The following KIF1B variants were observed in gnomAD, a reference collection of about 807,000 sequenced individuals.
KIF1B encodes kinesin family member 1B.
In KIF1B, 76 loss-of-function variants were observed where a neutral mutation model predicts 241.9. The ratio of observed to expected loss-of-function variants is 0.31; its 90% CI spans 0.26 to 0.38. The LOEUF (loss-of-function observed/expected upper bound fraction) is 0.38. KIF1B is among the 10% of genes least tolerant of loss of function. The probability of loss-of-function intolerance (pLI) is 1.00; values close to 1 mark genes in which losing one functional copy is unlikely to be tolerated. For missense variants in KIF1B, 1,622 were observed against 2,271.4 expected, an observed-to-expected ratio of 0.71 and a Z score of 5.81; for synonymous variants, 750 against 796.7, an observed-to-expected ratio of 0.94 and a Z score of 0.99.
chr1:10,253,748 A>G (rs913944243), intron 2 of KIF1B, among the ~76,000 whole-genome samples: 1 of 152,206 alleles, frequency 6.6e-6, no homozygotes, highest in Non-Finnish European at 1.5e-5. Context: ...CTTTGGTTAG[A>G]AGTATACTTC....
intron 22 of KIF1B, among the ~76,000 whole-genome samples, chr1:10,315,081 T>C (rs1300720693): frequency 6.6e-6 from 1 of 151,252 alleles, no homozygotes; most frequent in Non-Finnish European, 1.5e-5. Flanking sequence ...CCCATACTTA[T>C]ATATTTTTCC....
At chr1:10,364,637 G>T (rs1318570231) in intron 41 of KIF1B, among the ~76,000 whole-genome samples, 1 of 152,020 alleles carries the variant, frequency 6.6e-6, no homozygotes, top group Non-Finnish European at 1.5e-5. Flanking sequence ...TTTTAAAAAC[G>T]TTCAGTTGCT....
At chr1:10,256,159 T>G (rs778000702) in intron 2 of KIF1B, 88 bp from the exon 3 acceptor site, 2 of 839,022 alleles carry the variant, frequency 2.4e-6, no homozygotes, top group Non-Finnish European at 4.1e-6. Flanking sequence ...ATTTACTGAT[T>G]GGGATGTTTT....
At chr1:10,255,769 A>G (rs1220738907) in intron 2 of KIF1B, among the ~76,000 whole-genome samples, 2 of 152,114 alleles carry the variant, frequency 1.3e-5, no homozygotes, top group Non-Finnish European at 2.9e-5. Flanking sequence ...CCATGTATAA[A>G]TTACCTCTTA....
At chr1:10,329,610 G>A (rs1044387730) in intron 27 of KIF1B, among the ~76,000 whole-genome samples, 34 of 152,090 alleles carry the variant, frequency 2.2e-4, no homozygotes, top group Admixed American at 8.5e-4. Context: ...GTTTGTGCCT[G>A]TAATCCCAGC....
intron 3 of KIF1B, among the ~76,000 whole-genome samples, chr1:10,257,487 A>AT (rs1647861909): frequency 6.6e-6 from 1 of 151,480 alleles, no homozygotes; most frequent in South Asian, 2.1e-4. Context: ...AAAAAAAAAA[A>AT]GGAAAGAGGC....
rs759492748 is a variant in KIF1B, at chr1:10,295,044, A to G, written c.1591-42A>G. The G allele has an allele frequency of 5.3e-6, 7 of 1,320,808 alleles. No homozygotes were observed. The South Asian group carries it at 8.2e-5, about 16-fold the overall frequency. 81.8% of individuals were successfully genotyped at this position (1,320,808 alleles called of 1,614,324 possible). A position where few individuals can be genotyped will look rare whatever the true frequency, so the allele number is the denominator to read the frequency against. ...CCCCTGTTGTTACCACAGCTCTCTC[A>G]TGGTGCCCTGCTCCAAATTGATCAT... On this transcript the variant is annotated intron_variant, in intron 17 of 48. Transcript: ENST00000676179.
chr1:10,331,482 T>C (rs1396576339), intron 27 of KIF1B, among the ~76,000 whole-genome samples: 1 of 152,256 alleles, frequency 6.6e-6, no homozygotes, highest in African/African-American at 2.4e-5. Flanking sequence ...TCTGATTTAA[T>C]GTTCATTTGC....
At chr1:10,283,190 C>T (rs1391135879) in intron 15 of KIF1B, among the ~76,000 whole-genome samples, 4 of 105,360 alleles carry the variant, frequency 3.8e-5, no homozygotes, top group African/African-American at 1.6e-4. Context: ...CTGGGGGACA[C>T]AGTGAGACTC....
At chr1:10,312,625 T>C (rs1300979170) in intron 22 of KIF1B, among the ~76,000 whole-genome samples, 1 of 151,512 alleles carries the variant, frequency 6.6e-6, no homozygotes, top group Non-Finnish European at 1.5e-5. Flanking sequence ...TCCTGAAATA[T>C]GTGGTGCCCC....
rs370721573 is a variant in KIF1B, at chr1:10,297,294, C to G, written c.2115+48C>G. On this transcript the variant is annotated intron_variant, in intron 22 of 48. Coordinates refer to ENST00000676179, the MANE Select transcript of KIF1B (RefSeq NM_001365951.3). Reference sequence around the variant, plus strand: ...ACTGTTGGGAAAAGGGCAGCTTGTTCCCATACTTTCCCTGTTCCACAGAGC... The same window carrying G: ...ACTGTTGGGAAAAGGGCAGCTTGTTGCCATACTTTCCCTGTTCCACAGAGC... The G allele has an allele frequency of 6.0e-6, 9 of 1,510,884 alleles. No homozygotes were observed. The African/African-American group carries it at 8.3e-5, about 14-fold the overall frequency. 93.6% of individuals were successfully genotyped at this position (1,510,884 alleles called of 1,614,324 possible). A position where few individuals can be genotyped will look rare whatever the true frequency, so the allele number is the denominator to read the frequency against.
intron 22 of KIF1B, chr1:10,305,263 T>C (rs1650771593): frequency 1.9e-6 from 2 of 1,041,956 alleles, no homozygotes; most frequent in African/African-American, 1.7e-5. Context: ...TCTTTTATTC[T>C]GTATTTTACA....
intron 1 of KIF1B, among the ~76,000 whole-genome samples, chr1:10,231,814 CACAG>C (rs1482277759): frequency 6.6e-6 from 1 of 152,050 alleles, no homozygotes; most frequent in Non-Finnish European, 1.5e-5. Context: ...CAGAAACACA[CACAG>C]AGAGAGAGAT....
rs1372434373 is a variant in KIF1B, at chr1:10,305,792, A to AT, written c.2115+8550dup. 3 of 1,054,780 alleles carry AT rather than the reference A, an allele frequency of 2.8e-6. No homozygotes were observed. In the African/African-American group the frequency reaches 5.0e-5, roughly 17 times the overall value. 65.3% of individuals were successfully genotyped at this position (1,054,780 alleles called of 1,614,324 possible). On this transcript the variant is annotated intron_variant, in intron 22 of 48. Coordinates refer to ENST00000676179, the MANE Select transcript of KIF1B (RefSeq NM_001365951.3). The stretch of plus-strand genomic sequence containing the variant: ...CTGGAGAATCCACTAAGAAAGATGG[A>AT]TTTTAATGGGAAGAAAAGAATTATT...
chr1:10,362,680 A>T (rs1017375682), intron 40 of KIF1B, among the ~76,000 whole-genome samples: 5 of 152,170 alleles, frequency 3.3e-5, no homozygotes, highest in African/African-American at 1.2e-4. Context: ...TCTCTCTTAT[A>T]GTAAGAAAAG....
intron 1 of KIF1B, among the ~76,000 whole-genome samples, chr1:10,216,895 C>T (rs12032050): frequency 6.9e-6 from 1 of 145,746 alleles, no homozygotes; most frequent in South Asian, 2.2e-4. Context: ...TAGCACTGTT[C>T]TAATCTGTAG....
chr1:10,378,894 C>G lies in KIF1B; in HGVS notation c.*2307C>G, dbSNP rs1160838087. On this transcript the variant is annotated 3_prime_UTR_variant, in exon 49 of 49. Coordinates refer to ENST00000676179, the MANE Select transcript of KIF1B (RefSeq NM_001365951.3). ...GGCGGATTTTTTTTTTAACTTTCTT[C>G]TTCCTGTTAAAACATAGGTCACTAA... The G allele has an allele frequency of 4.2e-6, 1 of 236,836 alleles. No individual in the cohort carries two copies. Among genetic ancestry groups the G allele is most frequent in the East Asian group, 6.0e-5 (1 of 16,616 alleles). The allele number at this position is 236,836 out of a possible 1,614,324, so 14.7% of individuals were successfully genotyped here.
At chr1:10,240,206 CTTAT>C (rs993603465) in intron 2 of KIF1B, among the ~76,000 whole-genome samples, 1 of 151,376 alleles carries the variant, frequency 6.6e-6, no homozygotes. Flanking sequence ...CCTGCCAAAC[CTTAT>C]TTATTTATTT....
chr1:10,221,241 G>A (rs973611491), intron 1 of KIF1B, among the ~76,000 whole-genome samples: 2 of 151,644 alleles, frequency 1.3e-5, no homozygotes, highest in Non-Finnish European at 2.9e-5. Context: ...GGGATTACAG[G>A]CATGTGCCAC....
Sources: allele counts gnomAD v4.1 joint callset (sites outside exome capture counted in the v4.1 genomes callset), GRCh38; gene constraint gnomAD v4.1.1; transcripts MANE v1.5; gene names NCBI Gene and HGNC (gene_info 2026-07-23, HGNC 2026-07-21).